ITGBL1: variants seen among roughly 807,000 people sequenced by gnomAD.
ITGBL1 encodes the protein integrin beta-like protein 1.
Under a neutral mutation model 68.5 loss-of-function variants are expected in ITGBL1, and 51 were observed. The ratio of observed to expected loss-of-function variants is 0.74; its 90% CI spans 0.59 to 0.94. ITGBL1 has a LOEUF of 0.94. Ranked by LOEUF, ITGBL1 falls within the 40% of genes least tolerant of loss-of-function variation. The pLI, the probability that ITGBL1 is intolerant of heterozygous loss-of-function variation, is 0.00. For synonymous variants in ITGBL1, 209 were observed against 227.3 expected (o/e 0.92, Z 0.72); for missense variants, 649 against 647.4 (o/e 1.00, Z -0.03).
intron 7 of ITGBL1, among the ~76,000 whole-genome samples, chr13:101,675,123 A>G (rs1173996149): frequency 6.6e-6 from 1 of 152,056 alleles, no homozygotes; most frequent in Non-Finnish European, 1.5e-5. Flanking sequence ...TTTCATCATC[A>G]TCTGGTTTGG....
Position 101,452,686 on chromosome 13 carries a change from C to T in ITGBL1, c.-148C>T, listed in dbSNP as rs2048180785. 1.7e-5 allele frequency: 11 copies of T among 651,506 alleles called. No individual in the cohort carries two copies. The Admixed American group carries it at 1.8e-4, about 10-fold the overall frequency. The allele number at this position is 651,506 out of a possible 1,614,324, so 40.4% of individuals were successfully genotyped here. A position where few individuals can be genotyped will look rare whatever the true frequency, so the allele number is the denominator to read the frequency against. ...CAGCTCATCAACGCAATTGCAACTC[C>T]GGCTGGAGCCCCGGACCTGCAAGCC... On this transcript the variant is annotated 5_prime_UTR_variant, in exon 1 of 11. Coordinates refer to ENST00000376180, the MANE Select transcript of ITGBL1 (RefSeq NM_004791.3).
chr13:101,660,840 G>A (rs372795255), intron 7 of ITGBL1, among the ~76,000 whole-genome samples: 3 of 152,280 alleles, frequency 2.0e-5, no homozygotes, highest in African/African-American at 7.2e-5. Flanking sequence ...TCCAAACATT[G>A]TCAAATGTCT....
chr13:101,564,928 T>A (rs949376802), intron 2 of ITGBL1, among the ~76,000 whole-genome samples: 5 of 151,980 alleles, frequency 3.3e-5, no homozygotes, highest in Admixed American at 6.6e-5. Context: ...TGAAAGGATA[T>A]GCAGTATCAT....
chr13:101,499,247 A>G (rs1166032914), intron 2 of ITGBL1, among the ~76,000 whole-genome samples: 1 of 152,118 alleles, frequency 6.6e-6, no homozygotes, highest in Non-Finnish European at 1.5e-5. Flanking sequence ...TGCCACATAT[A>G]CTTTTCTTAT....
intron 2 of ITGBL1, among the ~76,000 whole-genome samples, chr13:101,475,968 A>C (rs891685561): frequency 1.1e-4 from 17 of 152,200 alleles, no homozygotes; most frequent in Admixed American, 5.2e-4. Flanking sequence ...TCAATCTAAA[A>C]GAAAAGGATG....
At chr13:101,634,204 C>T (rs940521682) in intron 7 of ITGBL1, among the ~76,000 whole-genome samples, 1 of 152,074 alleles carries the variant, frequency 6.6e-6, no homozygotes, top group Non-Finnish European at 1.5e-5. Context: ...TTAAAAATTT[C>T]TACTCTGCAA....
intron 2 of ITGBL1, among the ~76,000 whole-genome samples, chr13:101,470,700 T>A (rs1391794224): frequency 1.3e-5 from 2 of 151,642 alleles, no homozygotes; most frequent in Non-Finnish European, 2.9e-5. Flanking sequence ...GGTGGAGGGG[T>A]GGTGTTTAGA....
chr13:101,597,004 C>T (rs988608747), intron 6 of ITGBL1, among the ~76,000 whole-genome samples: 1 of 152,062 alleles, frequency 6.6e-6, no homozygotes, highest in African/African-American at 2.4e-5. Flanking sequence ...ATTCATGTCA[C>T]TATATGTTTA....
intron 7 of ITGBL1, among the ~76,000 whole-genome samples, chr13:101,673,098 C>A (rs886606237): frequency 2.0e-5 from 3 of 152,174 alleles, no homozygotes; most frequent in Admixed American, 6.5e-5. Flanking sequence ...GAGAAGTTGA[C>A]AATTTCATGC....
Position 101,454,101 on chromosome 13 carries a change from G to T in ITGBL1, c.316+1G>T. ...ACCTACGACGGGAGCACCTGTGCAG[G>T]TAAGAGGGCGGCGCTGTCTCCTCCC... On this transcript the variant is annotated splice_donor_variant, in intron 2 of 10. Coordinates refer to ENST00000376180, the MANE Select transcript of ITGBL1 (RefSeq NM_004791.3). LOFTEE classifies it high-confidence loss of function. The T allele has an allele frequency of 1.3e-6, 2 of 1,550,916 alleles. No individual in the cohort carries two copies. The highest frequency in any genetic ancestry group is 1.2e-5 in the South Asian group (1 of 82,124).
chr13:101,553,838 G>A (rs548669504), intron 2 of ITGBL1, among the ~76,000 whole-genome samples: 4 of 152,116 alleles, frequency 2.6e-5, no homozygotes, highest in East Asian at 1.9e-4. Context: ...CCAATGGCAC[G>A]ATCTCGGCTC....
chr13:101,453,272 C>A (rs1006254712), intron 1 of ITGBL1, among the ~76,000 whole-genome samples: 1 of 152,180 alleles, frequency 6.6e-6, no homozygotes, highest in East Asian at 1.9e-4. Context: ...CCAAGGGCAG[C>A]AACAGGAGGT....
At chr13:101,623,258 G>A (rs2031656235) in intron 7 of ITGBL1, among the ~76,000 whole-genome samples, 1 of 152,136 alleles carries the variant, frequency 6.6e-6, no homozygotes, top group South Asian at 2.1e-4. Flanking sequence ...GACAGAGTAA[G>A]CTAATGTTAA....
At chr13:101,713,587 T>C (rs368790414) in intron 9 of ITGBL1, 10 of 152,312 alleles carry the variant, frequency 6.6e-5, no homozygotes, top group African/African-American at 1.4e-4. Context: ...AGGCAGTTTT[T>C]CCATGTAAGG....
chr13:101,568,830 G>A (rs1221417770), intron 3 of ITGBL1, among the ~76,000 whole-genome samples: 6 of 152,080 alleles, frequency 3.9e-5, no homozygotes, highest in Admixed American at 3.9e-4. Context: ...TCAGTTAAAG[G>A]TGTTTTGCTG....
chr13:101,535,403 T>C (rs1479826655), intron 2 of ITGBL1, among the ~76,000 whole-genome samples: 1 of 152,062 alleles, frequency 6.6e-6, no homozygotes, highest in African/African-American at 2.4e-5. Flanking sequence ...CTAGACCTTA[T>C]AGTTAGAGAA....
At chr13:101,491,847 A>C (rs1594843549) in intron 2 of ITGBL1, among the ~76,000 whole-genome samples, 1 of 151,524 alleles carries the variant, frequency 6.6e-6, no homozygotes, top group Admixed American at 6.6e-5. Flanking sequence ...TCATTGTTCA[A>C]CTCCCACTTA....
At chr13:101,559,895 T>G (rs1166625373) in intron 2 of ITGBL1, among the ~76,000 whole-genome samples, 1 of 152,188 alleles carries the variant, frequency 6.6e-6, no homozygotes, top group Non-Finnish European at 1.5e-5. Context: ...CCTTCAAGAT[T>G]ACATGGCTAG....
At chr13:101,583,471 A>G in intron 6 of ITGBL1, 115 bp downstream of exon 6, 1 of 757,964 alleles carries the variant, frequency 1.3e-6, no homozygotes, top group Non-Finnish European at 2.0e-6. Flanking sequence ...TGGATAGCAC[A>G]ATAGGGTGAC....
Sources: allele counts gnomAD v4.1 joint callset (sites outside exome capture counted in the v4.1 genomes callset), GRCh38; gene constraint gnomAD v4.1.1; transcripts MANE v1.5; gene names NCBI Gene and HGNC (gene_info 2026-07-23, HGNC 2026-07-21).